ALG1L2: variants seen among roughly 807,000 people sequenced by gnomAD.
The protein encoded by ALG1L2 is ALG1 chitobiosyldiphosphodolichol beta-mannosyltransferase like 2.
A neutral mutation model predicts 29.0 loss-of-function variants in ALG1L2; 32 were observed. That is an observed-to-expected ratio of 1.10 (90% CI 0.83 to 1.48). The LOEUF is 1.48. Among genes scored for constraint, ALG1L2 ranks in the 40% most tolerant of loss-of-function variants. The probability of loss-of-function intolerance (pLI) is 0.00; values close to 1 mark genes in which losing one functional copy is unlikely to be tolerated. For missense variants in ALG1L2, 318 were observed against 274.1 expected, an observed-to-expected ratio of 1.16 and a Z score of -1.13; for synonymous variants, 110 against 109.5, an observed-to-expected ratio of 1.00 and a Z score of -0.03.
intron 1 of ALG1L2, among the ~76,000 whole-genome samples, chr3:130,084,976 T>TTTATTTA (rs1181775147): frequency 8.8e-4 from 67 of 75,742 alleles, no homozygotes; most frequent in South Asian, 4.3e-3. Context: ...TTATTTATTT[T>TTTATTTA]GAGACAGAAT....
intron 2 of ALG1L2, chr3:130,091,763 G>A: frequency 1.7e-6 from 1 of 596,698 alleles, no homozygotes. Flanking sequence ...GGAACTTTGT[G>A]CAGGTCCACA....
chr3:130,086,296 G>A (rs924236177), intron 1 of ALG1L2, among the ~76,000 whole-genome samples: 30 of 150,240 alleles, frequency 2.0e-4, no homozygotes, highest in African/African-American at 6.8e-4. Context: ...AACAACGGGA[G>A]TTACCACAAG....
intron 2 of ALG1L2, chr3:130,091,770 C>T (rs200332850): frequency 6.8e-5 from 41 of 602,370 alleles, no homozygotes; most frequent in Non-Finnish European, 1.2e-4. Flanking sequence ...TGTGCAGGTC[C>T]ACATACCCTG....
At chr3:130,097,619 G>A (rs1177172479) in intron 7 of ALG1L2, among the ~76,000 whole-genome samples, 3 of 152,190 alleles carry the variant, frequency 2.0e-5, no homozygotes, top group African/African-American at 7.2e-5. Flanking sequence ...AAGGTTACTT[G>A]TTTCTTATTG....
At chr3:130,092,714 G>A (rs1238112584) in intron 3 of ALG1L2, among the ~76,000 whole-genome samples, 1 of 152,174 alleles carries the variant, frequency 6.6e-6, no homozygotes, top group Non-Finnish European at 1.5e-5. Flanking sequence ...CTGACCAGGG[G>A]ACTCTGGCTA....
chr3:130,094,330 A>G, intron 4 of ALG1L2, 73 bp from the exon 5 acceptor site: 2 of 1,527,628 alleles, frequency 1.3e-6, no homozygotes, highest in African/African-American at 1.4e-5. Flanking sequence ...CCTAGGGGGG[A>G]GTGTCTTGGG....
intron 5 of ALG1L2, among the ~76,000 whole-genome samples, chr3:130,094,786 G>T (rs573842100): frequency 6.6e-6 from 1 of 152,228 alleles, no homozygotes; most frequent in South Asian, 2.1e-4. Flanking sequence ...TCCTGCAAGA[G>T]GGCTGGGCCT....
chr3:130,096,015 C>A (rs754936427), intron 5 of ALG1L2, 34 bp from the exon 6 acceptor site: 1 of 1,583,396 alleles, frequency 6.3e-7, no homozygotes, highest in Non-Finnish European at 8.6e-7. Flanking sequence ...GGGGCAGAGA[C>A]CAGCGCTCTG....
chr3:130,092,305 C>G (rs1383482188), intron 3 of ALG1L2, 83 bp downstream of exon 3: 68 of 1,587,832 alleles, frequency 4.3e-5, no homozygotes, highest in Middle Eastern at 2.3e-4. Context: ...GCCAGTCCTG[C>G]ATGCCCCAAC....
At chr3:130,097,307 C>A (rs114269971) in intron 7 of ALG1L2, 57 bp downstream of exon 7, 136 of 1,590,524 alleles carry the variant, frequency 8.6e-5, no homozygotes, top group Non-Finnish European at 1.1e-4. Context: ...TGGCACCGAG[C>A]CATGCTCCCT....
chr3:130,092,307 T>G, intron 3 of ALG1L2, 85 bp downstream of exon 3: 1 of 1,588,972 alleles, frequency 6.3e-7, no homozygotes, highest in Non-Finnish European at 8.6e-7. Context: ...CAGTCCTGCA[T>G]GCCCCAACCC....
chr3:130,087,510 C>T lies in ALG1L2; in HGVS notation c.21-3751C>T, dbSNP rs1298890928. On this transcript the variant is annotated intron_variant, in intron 1 of 7. Transcript: ENST00000425059. The stretch of plus-strand genomic sequence containing the variant: ...AATCTGAATGAGGTCCATTAGAAAA[C>T]CGTATTGTAGCAGGGTTAGTTTCCT... 1.6e-3 allele frequency among the ~76,000 whole-genome samples: 236 copies of T among 146,826 alleles called. 1 individual carries two copies. Among genetic ancestry groups the T allele is most frequent in the African/African-American group, 5.5e-3 (224 of 40,594 alleles).
intron 5 of ALG1L2, among the ~76,000 whole-genome samples, chr3:130,095,678 G>A (rs1935114497): frequency 1.3e-5 from 2 of 151,878 alleles, no homozygotes; most frequent in East Asian, 3.9e-4. Context: ...CTGACCTCAG[G>A]TGATCCGCCC....
At chr3:130,096,743 G>T (rs892670162) in intron 6 of ALG1L2, among the ~76,000 whole-genome samples, 1 of 152,160 alleles carries the variant, frequency 6.6e-6, no homozygotes, top group African/African-American at 2.4e-5. Context: ...CCCCTGGATG[G>T]GATTCAGGGA....
intron 1 of ALG1L2, among the ~76,000 whole-genome samples, chr3:130,085,269 A>G (rs1359693658): frequency 2.7e-5 from 4 of 149,378 alleles, no homozygotes; most frequent in Admixed American, 6.8e-5. Context: ...CTCTTTTATT[A>G]TTTTTTAATA....
chr3:130,097,150 C>T (rs371079867), intron 6 of ALG1L2, 25 bp from the exon 7 acceptor site: 563 of 1,611,528 alleles, frequency 3.5e-4, no homozygotes, highest in Non-Finnish European at 4.4e-4. Context: ...AGGAAACTCT[C>T]GGGCTCCTTT....
At position 130,097,162 on chromosome 3, in the gene ALG1L2, G is replaced by T. The variant is rs773004441; in HGVS notation, c.540-13G>T. On this transcript the variant is annotated splice_polypyrimidine_tract_variant and intron_variant, in intron 6 of 7. Transcript: ENST00000425059. Reference sequence around the variant, plus strand: ...TCCAGGAAACTCTCGGGCTCCTTTTGTTCTCTCTGCAGTTTACATGAGCTG... The same window carrying T: ...TCCAGGAAACTCTCGGGCTCCTTTTTTTCTCTCTGCAGTTTACATGAGCTG... 5.6e-6 allele frequency: 9 copies of T among 1,611,796 alleles called. No homozygotes were observed. The East Asian group carries it at 8.9e-5, about 16-fold the overall frequency.
chr3:130,091,132 G>A, intron 1 of ALG1L2, 129 bp from the exon 2 acceptor site: 2 of 843,910 alleles, frequency 2.4e-6, no homozygotes, highest in Non-Finnish European at 3.7e-6. Context: ...TGGAAACCAG[G>A]AAGAAGGAAA....
intron 1 of ALG1L2, 82 bp from the exon 2 acceptor site, chr3:130,091,179 A>G (rs6779417): frequency 0.7 from 949,739 of 1,350,608 alleles, 338,099 homozygotes; most frequent in Middle Eastern, 0.78. Context: ...GACGTTGGGC[A>G]TGGAACCCAA....
Sources: allele counts gnomAD v4.1 joint callset (sites outside exome capture counted in the v4.1 genomes callset), GRCh38; gene constraint gnomAD v4.1.1; transcripts MANE v1.5; gene names NCBI Gene and HGNC (gene_info 2026-07-23, HGNC 2026-07-21).